Variants in NAALADL2 observed in about 807,000 individuals in gnomAD.
The protein encoded by NAALADL2 is N-acetylated alpha-linked acidic dipeptidase like 2.
A neutral mutation model predicts 87.2 loss-of-function variants in NAALADL2; 76 were observed. That is an observed-to-expected ratio of 0.87 (90% CI 0.72 to 1.05). The LOEUF (loss-of-function observed/expected upper bound fraction) is 1.05. Among genes scored for constraint, NAALADL2 ranks in the 50% least tolerant of loss-of-function variants. The probability of loss-of-function intolerance (pLI) is 0.00; values close to 1 mark genes in which losing one functional copy is unlikely to be tolerated. For synonymous variants in NAALADL2, 354 were observed against 331.0 expected (o/e 1.07, Z -0.75); for missense variants, 1,089 against 945.8 (o/e 1.15, Z -1.99).
chr3:174,759,304 A>G (rs1488146809), intron 3 of NAALADL2, among the ~76,000 whole-genome samples: 1 of 152,174 alleles, frequency 6.6e-6, no homozygotes. Flanking sequence ...AAAATCATGT[A>G]CCCTTTTCAC....
At chr3:175,285,446 A>G (rs1234293967) in intron 4 of NAALADL2, among the ~76,000 whole-genome samples, 2 of 152,166 alleles carry the variant, frequency 1.3e-5, no homozygotes, top group Non-Finnish European at 2.9e-5. Flanking sequence ...TTAAATAAGA[A>G]ACCTTTAAGT....
intron 11 of NAALADL2, among the ~76,000 whole-genome samples, chr3:175,690,177 G>T (rs994555596): frequency 1.3e-5 from 2 of 151,926 alleles, no homozygotes; most frequent in African/African-American, 4.8e-5. Flanking sequence ...TATGACTTGT[G>T]GGCCGTTCAT....
chr3:175,623,730 T>C (rs1726577238), intron 10 of NAALADL2, among the ~76,000 whole-genome samples: 2 of 151,924 alleles, frequency 1.3e-5, no homozygotes, highest in African/African-American at 4.8e-5. Flanking sequence ...AAGGAAGGAA[T>C]CTCATAAAGC....
At chr3:175,580,400 T>C (rs1270082108) in intron 10 of NAALADL2, among the ~76,000 whole-genome samples, 1 of 152,198 alleles carries the variant, frequency 6.6e-6, no homozygotes, top group Admixed American at 6.5e-5. Flanking sequence ...TGATTTTTCA[T>C]GTTTTACTTT....
At chr3:175,351,378 C>A (rs1276907689) in intron 5 of NAALADL2, among the ~76,000 whole-genome samples, 1 of 151,806 alleles carries the variant, frequency 6.6e-6, no homozygotes, top group Non-Finnish European at 1.5e-5. Flanking sequence ...ACATGAAATA[C>A]TTTATATATG....
chr3:174,774,049 C>G (rs1714904447), intron 3 of NAALADL2, among the ~76,000 whole-genome samples: 1 of 152,120 alleles, frequency 6.6e-6, no homozygotes, highest in African/African-American at 2.4e-5. Flanking sequence ...TATTCACAAG[C>G]CTTTCCATTA....
chr3:175,540,593 G>A (rs1712139465), intron 9 of NAALADL2, among the ~76,000 whole-genome samples: 1 of 152,204 alleles, frequency 6.6e-6, no homozygotes, highest in East Asian at 1.9e-4. Context: ...TCTGGGAGGA[G>A]GTATCTGACA....
chr3:175,372,903 C>T (rs188078877), intron 5 of NAALADL2, among the ~76,000 whole-genome samples: 48 of 152,310 alleles, frequency 3.2e-4, no homozygotes, highest in African/African-American at 1.1e-3. Context: ...GCATCATCAT[C>T]TTCCCAAAGT....
intron 11 of NAALADL2, among the ~76,000 whole-genome samples, chr3:175,688,189 G>T (rs1736573898): frequency 6.6e-6 from 1 of 152,104 alleles, no homozygotes; most frequent in African/African-American, 2.4e-5. Flanking sequence ...GACTCCGCAG[G>T]TTAGGTAGGA....
At chr3:174,528,367 T>C (rs1460689438) in intron 1 of NAALADL2, among the ~76,000 whole-genome samples, 2 of 152,178 alleles carry the variant, frequency 1.3e-5, no homozygotes, top group Non-Finnish European at 2.9e-5. Context: ...TAGTGGCTCA[T>C]ACCTGTAAGC....
chr3:174,608,789 G>T (rs2108632366), intron 2 of NAALADL2, among the ~76,000 whole-genome samples: 1 of 149,324 alleles, frequency 6.7e-6, no homozygotes, highest in South Asian at 2.1e-4. Flanking sequence ...TAGAAAAAGA[G>T]GGAATCCTCC....
At position 175,697,742 on chromosome 3, in the gene NAALADL2, TAC is replaced by T. The variant is rs200672259; in HGVS notation, c.1897-39556_1897-39555del. 9.4e-3 allele frequency among the ~76,000 whole-genome samples: 1,386 copies of T among 148,204 alleles called. 21 individuals are homozygous for T. Among genetic ancestry groups the T allele is most frequent in the African/African-American group, 0.033 (1,330 of 40,428 alleles). ...AAAAAAGCAAATTTATATATTTACA[TAC>T]ACACACATGTAAATGTATGTATACA... On this transcript the variant is annotated intron_variant, in intron 11 of 13. Transcript: ENST00000454872.
chr3:175,447,716 G>A lies in NAALADL2; in HGVS notation c.1234+344G>A, dbSNP rs74584655. On this transcript the variant is annotated intron_variant, in intron 6 of 13. Transcript: ENST00000454872. ...CAGTCTCATTGCCTGCCAAGATTCA[G>A]TGGATAGCAGGCAACTATCTGGGGT... Among the ~76,000 whole-genome samples the A allele has an allele frequency of 1.1e-3, 169 of 152,264 alleles. 1 individual carries two copies. Among genetic ancestry groups the A allele is most frequent in the African/African-American group, 3.9e-3 (161 of 41,550 alleles).
chr3:175,604,595 C>T (rs9828973), intron 10 of NAALADL2, among the ~76,000 whole-genome samples: 2,627 of 152,198 alleles, frequency 0.017, 70 homozygotes, highest in Admixed American at 0.065. Flanking sequence ...TGAGGCACCA[C>T]GCCCAGCCGA....
At position 174,595,317 on chromosome 3, in the gene NAALADL2, G is replaced by C. The variant is rs1246854934; in HGVS notation, c.-115+44680G>C. Among the ~76,000 whole-genome samples the C allele has an allele frequency of 2.6e-5, 4 of 151,762 alleles. No homozygotes were observed. The East Asian group carries it at 7.8e-4, about 29-fold the overall frequency. ...TCCCTTTCTCTCTGTCTTATTTGTA[G>C]GGCTACTTTCTAGAGAAAGTAGAAT... On this transcript the variant is annotated intron_variant, in intron 2 of 3. Coordinates refer to the NAALADL2 transcript ENST00000434257.
intron 1 of NAALADL2, among the ~76,000 whole-genome samples, chr3:174,970,869 T>C (rs1416100222): frequency 2.0e-5 from 3 of 152,210 alleles, no homozygotes; most frequent in Non-Finnish European, 2.9e-5. Context: ...TTTGAAATTA[T>C]ACATATCAGC....
intron 1 of NAALADL2, among the ~76,000 whole-genome samples, chr3:174,539,205 T>C (rs1721997200): frequency 1.3e-5 from 2 of 152,102 alleles, no homozygotes; most frequent in East Asian, 3.8e-4. Context: ...AACCAGTATG[T>C]CCAATATTTA....
At chr3:175,266,774 C>A (rs1388132011) in intron 4 of NAALADL2, among the ~76,000 whole-genome samples, 2 of 151,568 alleles carry the variant, frequency 1.3e-5, no homozygotes, top group African/African-American at 4.8e-5. Context: ...TTTCCAATAC[C>A]CACATTAATG....
At chr3:174,882,561 A>G (rs1427563789) in intron 1 of NAALADL2, among the ~76,000 whole-genome samples, 4 of 149,672 alleles carry the variant, frequency 2.7e-5, no homozygotes. Context: ...ACATATGTGT[A>G]TATATACATA....
Sources: allele counts gnomAD v4.1 joint callset (sites outside exome capture counted in the v4.1 genomes callset), GRCh38; gene constraint gnomAD v4.1.1; transcripts MANE v1.5; gene names NCBI Gene and HGNC (gene_info 2026-07-23, HGNC 2026-07-21).